IL1RAPL2: variants seen among roughly 807,000 people sequenced by gnomAD.
The protein encoded by IL1RAPL2 is interleukin 1 receptor accessory protein like 2.
Under a neutral mutation model 44.1 loss-of-function variants are expected in IL1RAPL2, and 3 were observed. The observed-to-expected ratio is 0.07, with a 90% CI of 0.03 to 0.18. The LOEUF (loss-of-function observed/expected upper bound fraction) is 0.18. Among genes scored for constraint, IL1RAPL2 ranks in the 10% least tolerant of loss-of-function variants. The pLI is 1.00. For synonymous variants in IL1RAPL2, 181 were observed against 178.8 expected, an observed-to-expected ratio of 1.01 and a Z score of -0.10; for missense variants, 391 against 496.4, an observed-to-expected ratio of 0.79 and a Z score of 2.02.
intron 6 of IL1RAPL2, among the ~76,000 whole-genome samples, chrX:105,521,082 C>T (rs1434230321): frequency 9.6e-6 from 1 of 104,556 alleles, no homozygotes; most frequent in Non-Finnish European, 2.0e-5. Flanking sequence ...CTACAGGCGC[C>T]TGCCACCAAG....
chrX:105,512,812 A>G (rs2036480086), intron 6 of IL1RAPL2, among the ~76,000 whole-genome samples: 1 of 111,299 alleles, frequency 9.0e-6, no homozygotes, highest in Non-Finnish European at 1.9e-5. Context: ...GTACAAGTGC[A>G]GAACATGCAG....
chrX:105,553,725 C>A (rs2036875966), intron 6 of IL1RAPL2, among the ~76,000 whole-genome samples: 1 of 111,927 alleles, frequency 8.9e-6, no homozygotes, highest in Admixed American at 9.5e-5. Flanking sequence ...TAGAGAAATT[C>A]ATTTTTTTAT....
intron 5 of IL1RAPL2, among the ~76,000 whole-genome samples, chrX:105,276,790 C>T (rs1454425460): frequency 1.8e-5 from 2 of 111,977 alleles, no homozygotes; most frequent in Admixed American, 9.5e-5. Flanking sequence ...CTGACTCAGA[C>T]TCTGTTCCAC....
chrX:105,549,358 C>G (rs1249843974), intron 6 of IL1RAPL2, among the ~76,000 whole-genome samples: 1 of 111,797 alleles, frequency 8.9e-6, no homozygotes, highest in African/African-American at 3.3e-5. Context: ...TTATAGAAAC[C>G]TTAACCTTCA....
At chrX:105,243,581 ATATG>A (rs1441416829) in intron 4 of IL1RAPL2, among the ~76,000 whole-genome samples, 1,362 of 91,143 alleles carry the variant, frequency 0.015, 30 homozygotes, top group African/African-American at 0.071. Flanking sequence ...ATATATATAT[ATATG>A]TGTATATATA....
intron 2 of IL1RAPL2, among the ~76,000 whole-genome samples, chrX:104,828,074 C>T (rs748828296): frequency 8.9e-6 from 1 of 111,806 alleles, no homozygotes; most frequent in South Asian, 3.7e-4. Context: ...TTAGAACATG[C>T]TCCTTTACCT....
chrX:105,279,548 C>T (rs776888037), intron 5 of IL1RAPL2, among the ~76,000 whole-genome samples: 43 of 111,359 alleles, frequency 3.9e-4, no homozygotes, highest in South Asian at 2.7e-3. Context: ...GGTGCGATCT[C>T]GGCTCACTGC....
At chrX:104,600,826 A>C (rs1928867343) in intron 1 of IL1RAPL2, among the ~76,000 whole-genome samples, 1 of 111,255 alleles carries the variant, frequency 9.0e-6, no homozygotes, top group Admixed American at 9.6e-5. Context: ...CTCCACCCAT[A>C]TTGCTGCAAA....
intron 5 of IL1RAPL2, among the ~76,000 whole-genome samples, chrX:105,284,376 G>A (rs1369981968): frequency 8.9e-6 from 1 of 112,089 alleles, no homozygotes; most frequent in Non-Finnish European, 1.9e-5. Context: ...ATGCACATTT[G>A]CTGCTAGATT....
chrX:104,913,286 G>A (rs745953274), intron 2 of IL1RAPL2, among the ~76,000 whole-genome samples: 2 of 108,861 alleles, frequency 1.8e-5, no homozygotes, highest in Non-Finnish European at 3.8e-5. Context: ...AGTTGCTTTC[G>A]ATTTTCTAAG....
chrX:104,744,023 TA>T (rs1257817470), intron 2 of IL1RAPL2, among the ~76,000 whole-genome samples: 1 of 110,435 alleles, frequency 9.1e-6, no homozygotes, highest in Non-Finnish European at 1.9e-5. Flanking sequence ...GTTCCTGGGT[TA>T]GGGGGTGTTC....
At chrX:105,429,591 G>T (rs182675280) in intron 5 of IL1RAPL2, among the ~76,000 whole-genome samples, 1 of 111,873 alleles carries the variant, frequency 8.9e-6, no homozygotes, top group Non-Finnish European at 1.9e-5. Context: ...GTTGACCACA[G>T]ACTATGTTTG....
chrX:105,379,827 T>A (rs771127466), intron 5 of IL1RAPL2, among the ~76,000 whole-genome samples: 1 of 111,180 alleles, frequency 9.0e-6, no homozygotes, highest in Admixed American at 9.6e-5. Context: ...AGCTAGGAGG[T>A]AGTATGTCAG....
chrX:105,156,825 A>T (rs1169456525), intron 2 of IL1RAPL2, among the ~76,000 whole-genome samples: 1 of 111,721 alleles, frequency 9.0e-6, no homozygotes, highest in Non-Finnish European at 1.9e-5. Flanking sequence ...TTCGTATCTG[A>T]TCAGAATTTC....
At chrX:105,040,829 G>C (rs1483813287) in intron 2 of IL1RAPL2, among the ~76,000 whole-genome samples, 1 of 104,872 alleles carries the variant, frequency 9.5e-6, no homozygotes, top group Admixed American at 1.0e-4. Flanking sequence ...CAAAAAACCA[G>C]CTCCTGGATT....
intron 1 of IL1RAPL2, among the ~76,000 whole-genome samples, chrX:104,582,630 T>TTCTTTCTC (rs1569487492): frequency 2.3e-5 from 2 of 87,083 alleles, no homozygotes; most frequent in African/African-American, 1.1e-4. Flanking sequence ...CTTTCTTTCT[T>TTCTTTCTC]TCTTTCTTTC....
chrX:104,812,346 G>T (rs1203984743), intron 2 of IL1RAPL2, among the ~76,000 whole-genome samples: 1 of 110,754 alleles, frequency 9.0e-6, no homozygotes, highest in Admixed American at 9.7e-5. Flanking sequence ...GATTATGCTT[G>T]GGTTTGGAAA....
chrX:104,816,374 A>G (rs763148885), intron 2 of IL1RAPL2, among the ~76,000 whole-genome samples: 47 of 112,008 alleles, frequency 4.2e-4, no homozygotes, highest in Non-Finnish European at 7.7e-4. Context: ...TTTCTGCCCT[A>G]CTGATAGTGA....
intron 6 of IL1RAPL2, among the ~76,000 whole-genome samples, chrX:105,523,384 T>A (rs958899850): frequency 9.0e-6 from 1 of 111,477 alleles, no homozygotes; most frequent in Non-Finnish European, 1.9e-5. Flanking sequence ...AAGATGATAA[T>A]TTTTAGGGCT....
Sources: gnomAD v4.1 joint callset for allele counts (sites outside exome capture counted in the v4.1 genomes callset) on GRCh38, gnomAD v4.1.1 for gene constraint, MANE v1.5 for transcripts, NCBI Gene and HGNC (gene_info 2026-07-23, HGNC 2026-07-21) for gene names.